Variants in TRIM28 observed in about 807,000 individuals in gnomAD.
TRIM28 encodes the protein tripartite motif containing 28.
A neutral mutation model predicts 87.4 loss-of-function variants in TRIM28; 8 were observed. That is an observed-to-expected ratio of 0.09 (90% CI 0.05 to 0.17). The LOEUF (loss-of-function observed/expected upper bound fraction) is 0.17. TRIM28 is among the 10% of genes least tolerant of loss of function. The probability of loss-of-function intolerance (pLI) is 1.00; values close to 1 mark genes in which losing one functional copy is unlikely to be tolerated. For missense variants in TRIM28, 968 were observed against 1,131.8 expected (o/e 0.86, Z 2.08); for synonymous variants, 601 against 454.3 (o/e 1.32, Z -4.11).
At position 58,549,153 on chromosome 19, in the gene TRIM28, C is replaced by G. The variant is rs202045700; in HGVS notation, c.1575C>G (p.Gly525=). Residue 525 remains glycine (G), a synonymous_variant, in exon 12 of 17, where the codon GGC becomes GGG. Transcript: ENST00000253024. This position sits in a 1 kb window ranked among gnomAD's most constrained non-coding sequence, Gnocchi z 4.4. ...ACAACCTTATTGTTATTGAACGTGGCGCTGCCGCTGCAGCTACCGGCCAGC... is the reference window on the plus strand; with the variant it reads ...ACAACCTTATTGTTATTGAACGTGGGGCTGCCGCTGCAGCTACCGGCCAGC... ...EDYNLIVIER[G]AAAAATGQPG... The G allele has an allele frequency of 6.2e-7, 1 of 1,614,072 alleles. No individual in the cohort carries two copies. The highest frequency in any genetic ancestry group is 1.1e-5 in the South Asian group (1 of 91,086).
intron 1 of TRIM28, 136 bp from the exon 2 acceptor site, chr19:58,545,289 A>C: frequency 1.1e-6 from 1 of 918,408 alleles, no homozygotes; most frequent in South Asian, 1.6e-5. Context: ...CTAAAGTTGG[A>C]GAAAAGAAGG....
rs2053736964 is a variant in TRIM28, at chr19:58,544,233, A to C, written c.-525A>C. 1 of 152,314 alleles carries C rather than the reference A, an allele frequency of 6.6e-6. No individual in the cohort carries two copies. Among genetic ancestry groups the C allele is most frequent in the African/African-American group, 2.4e-5 (1 of 41,456 alleles). 9.4% of individuals were successfully genotyped at this position (152,314 alleles called of 1,614,324 possible). A position where few individuals can be genotyped will look rare whatever the true frequency, so the allele number is the denominator to read the frequency against. On this transcript the variant is annotated 5_prime_UTR_variant, in exon 1 of 17. Transcript: ENST00000253024. Reference sequence around the variant, plus strand: ...AAAGGTTCGCATACCCCACTGGCGGATTCAATTGCGGCAGTGACGTCACAG... The same window carrying C: ...AAAGGTTCGCATACCCCACTGGCGGCTTCAATTGCGGCAGTGACGTCACAG...
intron 10 of TRIM28, 26 bp downstream of exon 10, chr19:58,548,802 G>C (rs369395529): frequency 1.2e-6 from 2 of 1,614,064 alleles, no homozygotes; most frequent in Non-Finnish European, 1.7e-6. Flanking sequence ...TAGTGGGTGG[G>C]GAAGGGCCCC....
rs2053747962 is a variant in TRIM28, at chr19:58,545,036, G to A, written c.279G>A (p.Gly93=). 6.8e-7 allele frequency: 1 copy of A among 1,470,390 alleles called. No homozygotes were observed. Among genetic ancestry groups the A allele is most frequent in the African/African-American group, 1.5e-5 (1 of 68,388 alleles). 91.1% of individuals were successfully genotyped at this position (1,470,390 alleles called of 1,614,324 possible). The change falls in exon 1 of 17, where the codon GGG becomes GGA. Residue 93 remains glycine, a synonymous_variant. Coordinates refer to ENST00000253024, the MANE Select transcript of TRIM28 (RefSeq NM_005762.3). ...CLHSACSACL[G]PAAPAAANSS... ...ACTCGGCCTGTAGTGCCTGCTTAGG[G>A]CCCGCGGCCCCCGCCGCCGCCAACA... is the stretch of plus-strand genomic sequence containing the variant.
rs769964400 is a variant in TRIM28 at position 58,549,822 on chromosome 19, A to C, written c.2068A>C (p.Thr690Pro). 1.9e-6 allele frequency: 3 copies of C among 1,612,756 alleles called. No individual in the cohort carries two copies. Among genetic ancestry groups the C allele is most frequent in the Non-Finnish European group, 2.5e-6 (3 of 1,178,960 alleles). The change falls in exon 14 of 17, where the codon ACT becomes CCT. Residue 690 changes from threonine to proline, a missense_variant. Thr to Pro is a conservative substitution (Grantham distance 38). Coordinates refer to ENST00000253024, the MANE Select transcript of TRIM28 (RefSeq NM_005762.3). The surrounding 1 kb of genome is among the most constrained non-coding windows in gnomAD (Gnocchi z 4.4). ...GSLSLDGADS[T>P]GVVAKLSPAN... ...CCTCAGCCTGGATGGTGCAGACAGC[A>C]CTGGCGTGGTGGCCAAGCTCTCACC...
chr19:58,550,102 G>A, intron 15 of TRIM28, 45 bp from the exon 16 acceptor site: 3 of 1,613,600 alleles, frequency 1.9e-6, no homozygotes, highest in Non-Finnish European at 2.5e-6. Flanking sequence ...ACCTGTGCAT[G>A]TATATGTGTG....
At chr19:58,547,337 T>C in intron 3 of TRIM28, 39 bp from the exon 4 acceptor site, 1 of 1,600,212 alleles carries the variant, frequency 6.2e-7, no homozygotes, top group Non-Finnish European at 8.6e-7. Flanking sequence ...TTGGGGGTGG[T>C]GAAGGGCAAG....
chr19:58,550,499 T>A lies in TRIM28; in HGVS notation c.2454T>A (p.Pro818=). 7 of 1,612,858 alleles carry A rather than the reference T, an allele frequency of 4.3e-6. No homozygotes were observed. The highest frequency in any genetic ancestry group is 5.9e-6 in the Non-Finnish European group (7 of 1,179,994). ...TGGAGCCCCCGCCGATGAGCCTGCC[T>A]GGTGCTGGCCTGAGTTCCCAGGAGC... The part of the protein sequence containing the change: ...VLVEPPPMSL[P]GAGLSSQELS... The change falls in exon 17 of 17, where the codon CCT becomes CCA. Residue 818 remains proline (P), a synonymous_variant. Transcript: ENST00000253024.
intron 2 of TRIM28, 102 bp from the exon 3 acceptor site, chr19:58,545,662 G>A: frequency 6.5e-7 from 1 of 1,539,800 alleles, no homozygotes. Flanking sequence ...TGCCTAGGTT[G>A]GGTCAAGGGA....
chr19:58,549,363 T>G lies in TRIM28; in HGVS notation c.1695T>G (p.Pro565=). 1 of 1,570,070 alleles carries G rather than the reference T, an allele frequency of 6.4e-7. No homozygotes were observed. Among genetic ancestry groups the G allele is most frequent in the Non-Finnish European group, 8.7e-7 (1 of 1,154,966 alleles). The part of the protein sequence containing the change: ...EEETEAAIGA[P]PTATEGPETK... ...AGACGGAGGCTGCCATTGGAGCCCC[T>G]CCTACTGCCACTGAGGGCCCTGAGA... Residue 565 remains proline (P), a synonymous_variant, in exon 13 of 17, where the codon CCT becomes CCG. Coordinates refer to ENST00000253024, the MANE Select transcript of TRIM28 (RefSeq NM_005762.3). The surrounding 1 kb of genome is among the most constrained non-coding windows in gnomAD (Gnocchi z 4.4).
At position 58,544,930 on chromosome 19, in the gene TRIM28, CGCTGGAGCT is replaced by C. The variant is rs2053746798; in HGVS notation, c.182_190del (p.Leu61_Glu63del). On this transcript the variant is annotated inframe_deletion, in exon 1 of 17. Transcript: ENST00000253024. ...TCGCCCGCGGGGGGCGGCGCCGAGG[CGCTGGAGCT>C]GCTGGAGCACTGCGGCGTGTGCAGA... is the stretch of plus-strand genomic sequence containing the variant. The C allele has an allele frequency of 3.5e-6, 5 of 1,440,536 alleles. No individual in the cohort carries two copies. Among genetic ancestry groups the C allele is most frequent in the South Asian group, 1.4e-5 (1 of 72,942 alleles). 89.2% of individuals were successfully genotyped at this position (1,440,536 alleles called of 1,614,324 possible).
chr19:58,548,375 C>T lies in TRIM28; in HGVS notation c.1183C>T (p.Leu395Phe), dbSNP rs2122629761. 1 of 1,614,188 alleles carries T rather than the reference C, an allele frequency of 6.2e-7. No individual in the cohort carries two copies. The highest frequency in any genetic ancestry group is 8.5e-7 in the Non-Finnish European group (1 of 1,180,030). Residue 395 changes from leucine to phenylalanine, a missense_variant, in exon 8 of 17, where the codon CTC (leucine) becomes TTC (phenylalanine). Leu to Phe is a conservative substitution (Grantham distance 22). Transcript: ENST00000253024. ...PHGEMKFQWD[L>F]NAWTKSAEAF... The stretch of plus-strand genomic sequence containing the variant: ...TGGCGAGATGAAGTTTCAGTGGGAC[C>T]TCAATGCCTGGACCAAGAGTGCCGA...
Position 58,549,429 on chromosome 19 carries a change from T to C in TRIM28, c.1761T>C (p.Ala587=), listed in dbSNP as rs1235425994. ...VLMALAEGPG[A]EGPRLASPSG... is the part of the protein sequence containing the mutation. ...TGGCTCTTGCGGAGGGTCCTGGTGC[T>C]GAGGGTCCCCGCCTGGCCTCACCTA... Residue 587 remains alanine, a synonymous_variant, in exon 13 of 17, where the codon GCT becomes GCC. Coordinates refer to ENST00000253024, the MANE Select transcript of TRIM28 (RefSeq NM_005762.3). This position sits in a 1 kb window ranked among gnomAD's most constrained non-coding sequence, Gnocchi z 4.4. 1.9e-6 allele frequency: 3 copies of C among 1,606,004 alleles called. No individual in the cohort carries two copies. The highest frequency in any genetic ancestry group is 8.5e-7 in the Non-Finnish European group (1 of 1,173,986).
In TRIM28 at chr19:58,545,086, G is replaced by T; in HGVS notation, c.329G>T (p.Gly110Val). The T allele has an allele frequency of 1.4e-6, 2 of 1,433,020 alleles. No homozygotes were observed. The highest frequency in any genetic ancestry group is 1.8e-6 in the Non-Finnish European group (2 of 1,106,616). 88.8% of individuals were successfully genotyped at this position (1,433,020 alleles called of 1,614,324 possible). Reference protein sequence around the residue: ...ANSSGDGGAAGDGTVVDCPVC... With the variant: ...ANSSGDGGAAVDGTVVDCPVC... The stretch of plus-strand genomic sequence containing the variant: ...AGCTCGGGGGACGGCGGGGCGGCGG[G>T]CGACGGCACCGGTAAGTACGAAGTG... Residue 110 changes from glycine (G) to valine (V), a missense_variant, in exon 1 of 17, where the codon GGC becomes GTC. This residue lies in a region of TRIM28 where 208 missense variants were observed against 170.9 expected (regional missense o/e 1.22). Transcript: ENST00000253024.
intron 3 of TRIM28, 109 bp downstream of exon 3, chr19:58,546,005 G>A: frequency 7.2e-7 from 1 of 1,381,032 alleles, no homozygotes; most frequent in Middle Eastern, 2.7e-4. Context: ...TCTCTAGGGG[G>A]TGCCGCCCGA....
chr19:58,549,023 T>G lies in TRIM28; in HGVS notation c.1445T>G (p.Met482Arg). 1 of 1,614,094 alleles carries G rather than the reference T, an allele frequency of 6.2e-7. No homozygotes were observed. The highest frequency in any genetic ancestry group is 8.5e-7 in the Non-Finnish European group (1 of 1,179,996). Residue 482 changes from methionine (M) to arginine (R), a missense_variant, in exon 12 of 17, where the codon ATG becomes AGG. Around this residue, in one of 11 missense-constraint regions of TRIM28, gnomAD observed 119 missense variants for 93.6 expected, o/e 1.27. Transcript: ENST00000253024. The surrounding 1 kb of genome is among the most constrained non-coding windows in gnomAD (Gnocchi z 4.4). ...RSGEGEVSGL[M>R]RKVPRVSLER... ...GGTGAGGGCGAGGTGAGCGGCCTTATGCGCAAGGTGCCACGAGTGAGCCTT... is the reference window on the plus strand; with the variant it reads ...GGTGAGGGCGAGGTGAGCGGCCTTAGGCGCAAGGTGCCACGAGTGAGCCTT...
intron 1 of TRIM28, 23 bp downstream of exon 1, chr19:58,545,120 C>T (rs956107006): frequency 1.5e-5 from 21 of 1,397,046 alleles, no homozygotes; most frequent in Middle Eastern, 2.6e-4. Context: ...TGATCGGTGC[C>T]ACCCCTCCCC....
intron 3 of TRIM28, among the ~76,000 whole-genome samples, chr19:58,546,724 T>G (rs187691877): frequency 1.1e-4 from 16 of 152,204 alleles, no homozygotes; most frequent in Non-Finnish European, 1.5e-4. Context: ...GTGGGACCAG[T>G]GTGTTTGATC....
In TRIM28 at chr19:58,548,055, G is replaced by A; in HGVS notation, c.976G>A (p.Glu326Lys). The change falls in exon 7 of 17, where the codon GAG (glutamate) becomes AAG (lysine). Residue 326 changes from glutamate to lysine, a missense_variant. Coordinates refer to ENST00000253024, the MANE Select transcript of TRIM28 (RefSeq NM_005762.3). ...DAQKVTEGQQ[E>K]RLERQHWTMT... is the part of the protein sequence containing the mutation. The stretch of plus-strand genomic sequence containing the variant: ...GCAGAAGGTGACTGAGGGGCAGCAG[G>A]AGCGCCTGGAGCGGCAGCACTGGAC... 6.2e-7 allele frequency: 1 copy of A among 1,614,158 alleles called. No homozygotes were observed. Among genetic ancestry groups the A allele is most frequent in the Non-Finnish European group, 8.5e-7 (1 of 1,180,032 alleles).
Sources: allele counts gnomAD v4.1 joint callset (sites outside exome capture counted in the v4.1 genomes callset), GRCh38; gene constraint gnomAD v4.1.1; regional missense constraint gnomAD v4.1.1; non-coding constraint Gnocchi (gnomAD v3.1); transcripts MANE v1.5; gene names NCBI Gene and HGNC (gene_info 2026-07-23, HGNC 2026-07-21).